LOC128092252: variants seen among roughly 807,000 people sequenced by gnomAD.
At chr15:50,675,723 T>C in the LOC128092252 span, among the ~76,000 whole-genome samples, 1 of 152,246 alleles carries the variant, frequency 6.6e-6, no homozygotes, top group Non-Finnish European at 1.5e-5. Flanking sequence ...TACCAGATTT[T>C]ACCAAGAGGT....
the LOC128092252 span, among the ~76,000 whole-genome samples, chr15:50,668,101 T>C: frequency 6.6e-6 from 1 of 152,210 alleles, no homozygotes; most frequent in Non-Finnish European, 1.5e-5. Context: ...CATACAACTG[T>C]TGTCATGTTT....
chr15:50,673,094 T>C, the LOC128092252 span, among the ~76,000 whole-genome samples: 1 of 152,030 alleles, frequency 6.6e-6, no homozygotes, highest in Admixed American at 6.6e-5. Context: ...AAATACTTTT[T>C]ATAAATTTAG....
the LOC128092252 span, among the ~76,000 whole-genome samples, chr15:50,671,031 A>G: frequency 6.6e-6 from 1 of 152,170 alleles, no homozygotes; most frequent in African/African-American, 2.4e-5. Context: ...GCTAATTATC[A>G]TATACATTGC....
At chr15:50,657,793 T>TG in the LOC128092252 span, 7 of 1,611,686 alleles carry the variant, frequency 4.3e-6, no homozygotes, top group African/African-American at 1.3e-5. Context: ...GACGAGTTGC[T>TG]GACAAATTTG....
chr15:50,664,875 G>C, the LOC128092252 span, among the ~76,000 whole-genome samples: 2 of 152,058 alleles, frequency 1.3e-5, no homozygotes, highest in African/African-American at 2.4e-5. Flanking sequence ...TGAGGTGAGA[G>C]GATCACTTGA....
the LOC128092252 span, among the ~76,000 whole-genome samples, chr15:50,685,477 A>G: frequency 1.3e-5 from 2 of 152,188 alleles, no homozygotes; most frequent in East Asian, 3.8e-4. Flanking sequence ...AACAAAAAAG[A>G]ATAAGGTGGA....
At chr15:50,682,203 T>C in the LOC128092252 span, among the ~76,000 whole-genome samples, 2 of 94,976 alleles carry the variant, frequency 2.1e-5, no homozygotes, top group Admixed American at 1.2e-4. Flanking sequence ...GACTGTGACC[T>C]GGCAAAAATA....
chr15:50,671,217 T>A, the LOC128092252 span, among the ~76,000 whole-genome samples: 5 of 152,256 alleles, frequency 3.3e-5, no homozygotes, highest in Non-Finnish European at 5.9e-5. Context: ...CCCACCCAAG[T>A]CCCTGATAAC....
chr15:50,686,545 G>A, the LOC128092252 span: 4 of 1,610,228 alleles, frequency 2.5e-6, no homozygotes, highest in Non-Finnish European at 3.4e-6. Flanking sequence ...CTCCTCACGG[G>A]GCGGACTCCG....
At chr15:50,674,470 A>G in the LOC128092252 span, among the ~76,000 whole-genome samples, 13 of 152,276 alleles carry the variant, frequency 8.5e-5, no homozygotes, top group East Asian at 2.5e-3. Context: ...GTCACAATGT[A>G]TATGTTTTTG....
chr15:50,666,812 G>C, the LOC128092252 span, among the ~76,000 whole-genome samples: 1 of 151,966 alleles, frequency 6.6e-6, no homozygotes, highest in Admixed American at 6.6e-5. Flanking sequence ...CAAAAAAAAA[G>C]AAGAGGCGGT....
At chr15:50,649,854 G>A in the LOC128092252 span, among the ~76,000 whole-genome samples, 5 of 152,120 alleles carry the variant, frequency 3.3e-5, no homozygotes, top group East Asian at 5.8e-4. Flanking sequence ...GAGCTACAAC[G>A]AGAAAGTTCC....
chr15:50,672,725 T>C, the LOC128092252 span, among the ~76,000 whole-genome samples: 7 of 151,646 alleles, frequency 4.6e-5, no homozygotes, highest in African/African-American at 1.7e-4. Context: ...GCCTGATCAA[T>C]GTGGTGAAAC....
At chr15:50,679,030 C>T in the LOC128092252 span, among the ~76,000 whole-genome samples, 5 of 152,084 alleles carry the variant, frequency 3.3e-5, no homozygotes, top group African/African-American at 4.8e-5. Flanking sequence ...CGTGCCACCA[C>T]GCCCGGCTAA....
chr15:50,683,455 C>A, the LOC128092252 span, among the ~76,000 whole-genome samples: 1 of 151,356 alleles, frequency 6.6e-6, no homozygotes, highest in East Asian at 1.9e-4. Context: ...AAAAAAGAAG[C>A]CAGGGTCAGT....
At chr15:50,657,710 A>G in the LOC128092252 span, 3 of 1,358,774 alleles carry the variant, frequency 2.2e-6, no homozygotes, top group African/African-American at 4.4e-5. Context: ...ACTGTGTTCT[A>G]ACTCATATTT....
the LOC128092252 span, among the ~76,000 whole-genome samples, chr15:50,661,727 T>C: frequency 2.0e-5 from 3 of 152,170 alleles, no homozygotes; most frequent in African/African-American, 7.2e-5. Flanking sequence ...GAAATGAAAG[T>C]TGCAGAGAAG....
the LOC128092252 span, among the ~76,000 whole-genome samples, chr15:50,671,804 G>A: frequency 5.4e-5 from 8 of 147,514 alleles, no homozygotes; most frequent in South Asian, 1.1e-3. Flanking sequence ...AACTTGTCTC[G>A]AAAAAAAAAA....
chr15:50,685,085 A>G, the LOC128092252 span, among the ~76,000 whole-genome samples: 1 of 152,266 alleles, frequency 6.6e-6, no homozygotes, highest in Non-Finnish European at 1.5e-5. Flanking sequence ...GATAGAAGAA[A>G]TAAAATTCAC....
Sources: allele counts gnomAD v4.1 joint callset (sites outside exome capture counted in the v4.1 genomes callset), GRCh38; gene constraint gnomAD v4.1.1; transcripts MANE v1.5.